CIMIP2C: variants seen among roughly 807,000 people sequenced by gnomAD.
The protein encoded by CIMIP2C is UPF0573 protein C2orf70.
chr2:26,564,226 A>G, the CIMIP2C span, among the ~76,000 whole-genome samples: 1 of 152,180 alleles, frequency 6.6e-6, no homozygotes. Context: ...TTTTTTCTTA[A>G]GCCTCCCACA....
At chr2:26,575,818 C>A in the CIMIP2C span, 2 of 1,494,386 alleles carry the variant, frequency 1.3e-6, no homozygotes, top group Non-Finnish European at 1.8e-6. Context: ...GCCACAGCAT[C>A]CTCCACTTTT....
At chr2:26,572,049 A>AT in the CIMIP2C span, 3 of 1,510,438 alleles carry the variant, frequency 2.0e-6, no homozygotes, top group East Asian at 7.6e-5. Flanking sequence ...GAGAGAGAGG[A>AT]TAAAAACCAT....
the CIMIP2C span, chr2:26,575,878 C>T: frequency 6.2e-7 from 1 of 1,605,814 alleles, no homozygotes; most frequent in South Asian, 1.1e-5. Flanking sequence ...TCTGTGGCTC[C>T]ACCACCCCCA....
the CIMIP2C span, among the ~76,000 whole-genome samples, chr2:26,567,170 G>C: frequency 6.6e-6 from 1 of 152,198 alleles, no homozygotes; most frequent in Admixed American, 6.5e-5. Flanking sequence ...TGGTTTGGCT[G>C]TGTCCCCACC....
chr2:26,579,148 TC>T, the CIMIP2C span: 3 of 851,846 alleles, frequency 3.5e-6, no homozygotes, highest in South Asian at 5.1e-5. Flanking sequence ...CCACCCCAAG[TC>T]CAGGGGGACT....
At chr2:26,569,996 A>G in the CIMIP2C span, among the ~76,000 whole-genome samples, 1 of 152,194 alleles carries the variant, frequency 6.6e-6, no homozygotes, top group East Asian at 1.9e-4. Flanking sequence ...ACACAGACCT[A>G]GCTTGCCAAG....
At chr2:26,576,247 GC>G in the CIMIP2C span, 1 of 1,518,570 alleles carries the variant, frequency 6.6e-7, no homozygotes. Flanking sequence ...GGGAGTGATG[GC>G]CAGGGGCCAG....
At chr2:26,572,780 G>A in the CIMIP2C span, among the ~76,000 whole-genome samples, 1,481 of 152,318 alleles carry the variant, frequency 9.7e-3, 31 homozygotes, top group African/African-American at 0.034. Flanking sequence ...TTGGAGGGGC[G>A]GAGCAGGCTT....
At chr2:26,564,663 G>C in the CIMIP2C span, among the ~76,000 whole-genome samples, 1 of 152,222 alleles carries the variant, frequency 6.6e-6, no homozygotes, top group African/African-American at 2.4e-5. Flanking sequence ...AAGAACCCAA[G>C]ATTCCCGACC....
At chr2:26,576,683 G>A in the CIMIP2C span, among the ~76,000 whole-genome samples, 1 of 152,194 alleles carries the variant, frequency 6.6e-6, no homozygotes, top group Non-Finnish European at 1.5e-5. Flanking sequence ...AGCCCCCTGG[G>A]GGCATGCTCT....
the CIMIP2C span, chr2:26,577,778 C>A: frequency 3.3e-6 from 2 of 599,056 alleles, no homozygotes; most frequent in Non-Finnish European, 5.7e-6. Flanking sequence ...GGTTACAGAG[C>A]AAGGGGGTCA....
chr2:26,563,706 C>T, the CIMIP2C span, among the ~76,000 whole-genome samples: 2 of 152,194 alleles, frequency 1.3e-5, no homozygotes, highest in Non-Finnish European at 2.9e-5. Context: ...CCCCTGCAAT[C>T]GGAACAGATG....
chr2:26,570,423 G>T, the CIMIP2C span, among the ~76,000 whole-genome samples: 5 of 152,334 alleles, frequency 3.3e-5, no homozygotes, highest in African/African-American at 1.2e-4. Flanking sequence ...AACATTTGTT[G>T]AGCACTTGTC....
At chr2:26,563,967 C>T in the CIMIP2C span, among the ~76,000 whole-genome samples, 1,989 of 152,254 alleles carry the variant, frequency 0.013, 35 homozygotes, top group African/African-American at 0.044. Flanking sequence ...GGTAGTTTCC[C>T]GAAGCCAAGC....
At chr2:26,572,001 C>T in the CIMIP2C span, 2 of 1,065,532 alleles carry the variant, frequency 1.9e-6, no homozygotes, top group Non-Finnish European at 2.5e-6. Flanking sequence ...TAATTCATCA[C>T]AAGAGATATT....
At chr2:26,574,123 G>C in the CIMIP2C span, among the ~76,000 whole-genome samples, 1 of 152,234 alleles carries the variant, frequency 6.6e-6, no homozygotes, top group Non-Finnish European at 1.5e-5. Context: ...AGGGGACGGA[G>C]TTACATCTAG....
the CIMIP2C span, chr2:26,576,057 A>T: frequency 8.7e-6 from 14 of 1,613,596 alleles, no homozygotes; most frequent in African/African-American, 2.7e-5. Context: ...TTCTCCACCA[A>T]CCCCAACCTC....
chr2:26,575,902 G>T, the CIMIP2C span: 1 of 1,612,190 alleles, frequency 6.2e-7, no homozygotes, highest in Non-Finnish European at 8.5e-7. Context: ...TGATCGGCAG[G>T]TACCAGGGCC....
At chr2:26,577,743 T>A in the CIMIP2C span, 1 of 765,076 alleles carries the variant, frequency 1.3e-6, no homozygotes, top group Non-Finnish European at 2.2e-6. Context: ...GATCTTGCCC[T>A]AAAACGTGCA....
Sources: gnomAD v4.1 joint callset for allele counts (sites outside exome capture counted in the v4.1 genomes callset) on GRCh38, gnomAD v4.1.1 for gene constraint, MANE v1.5 for transcripts, NCBI Gene and HGNC (gene_info 2026-07-23, HGNC 2026-07-21) for gene names.